LRRC4C: variants seen among roughly 807,000 people sequenced by gnomAD.
The protein encoded by LRRC4C is leucine rich repeat containing 4C.
Under a neutral mutation model 33.6 loss-of-function variants are expected in LRRC4C, and 5 were observed. That is an observed-to-expected ratio of 0.15 (90% confidence interval 0.08 to 0.31). LRRC4C has a LOEUF of 0.31. Among genes scored for constraint, LRRC4C ranks in the 10% least tolerant of loss-of-function variants. LRRC4C has a pLI of 1.00. For synonymous variants in LRRC4C, 329 were observed against 302.0 expected (o/e 1.09, Z -0.93); for missense variants, 560 against 796.7 (o/e 0.70, Z 3.58).
intron 1 of LRRC4C, among the ~76,000 whole-genome samples, chr11:41,267,077 T>C (rs1173799751): frequency 1.3e-5 from 2 of 152,288 alleles, no homozygotes; most frequent in Non-Finnish European, 2.9e-5. Context: ...TCATTCTGTA[T>C]TTCCTTCAGC....
chr11:40,330,780 A>T (rs978671695), intron 3 of LRRC4C, among the ~76,000 whole-genome samples: 8 of 152,188 alleles, frequency 5.3e-5, no homozygotes, highest in African/African-American at 1.9e-4. Context: ...CCCTCCCATG[A>T]CATGTGGGGA....
intron 4 of LRRC4C, among the ~76,000 whole-genome samples, chr11:40,289,867 C>T (rs912694506): frequency 7.3e-4 from 111 of 152,166 alleles, no homozygotes; most frequent in African/African-American, 2.5e-3. Flanking sequence ...ACATTTCAGA[C>T]CAAAATTTTA....
At chr11:41,135,136 T>C (rs975722947) in intron 1 of LRRC4C, among the ~76,000 whole-genome samples, 5 of 152,156 alleles carry the variant, frequency 3.3e-5, no homozygotes, top group Admixed American at 1.3e-4. Context: ...ATAAGGGTTG[T>C]GAGCATAAAT....
At chr11:41,133,003 A>G (rs1391875866) in intron 1 of LRRC4C, among the ~76,000 whole-genome samples, 1 of 152,184 alleles carries the variant, frequency 6.6e-6, no homozygotes, top group African/African-American at 2.4e-5. Flanking sequence ...ACAATTTTTA[A>G]TGTCCTACCT....
At chr11:40,723,339 T>A (rs1328864698) in intron 2 of LRRC4C, among the ~76,000 whole-genome samples, 2 of 150,320 alleles carry the variant, frequency 1.3e-5, no homozygotes, top group African/African-American at 2.5e-5. Flanking sequence ...AAAAAAAAAA[T>A]TCTAAAAGGC....
At chr11:40,948,504 C>G (rs1487142238) in intron 1 of LRRC4C, among the ~76,000 whole-genome samples, 2 of 139,936 alleles carry the variant, frequency 1.4e-5, no homozygotes, top group African/African-American at 5.3e-5. Context: ...TCTCCCAATG[C>G]TATCCCTCCC....
intron 2 of LRRC4C, among the ~76,000 whole-genome samples, chr11:40,786,102 T>C (rs1950402539): frequency 6.6e-6 from 1 of 152,222 alleles, no homozygotes; most frequent in Admixed American, 6.5e-5. Context: ...ACAAAGTTAA[T>C]TAGCTCTGGA....
chr11:40,978,137 A>G (rs565492908), intron 1 of LRRC4C, among the ~76,000 whole-genome samples: 38 of 152,198 alleles, frequency 2.5e-4, no homozygotes, highest in Non-Finnish European at 4.4e-4. Context: ...TCCATTTATT[A>G]TTGCATTAGG....
intron 1 of LRRC4C, among the ~76,000 whole-genome samples, chr11:41,190,435 A>G (rs999575273): frequency 1.3e-5 from 2 of 152,138 alleles, no homozygotes; most frequent in African/African-American, 2.4e-5. Context: ...TGGATAGAAA[A>G]CATCTCTCGG....
intron 1 of LRRC4C, among the ~76,000 whole-genome samples, chr11:41,205,346 C>T (rs553786845): frequency 2.2e-4 from 33 of 152,138 alleles, no homozygotes; most frequent in Non-Finnish European, 4.0e-4. Context: ...GGAGAATGTG[C>T]TGTTAAATGG....
chr11:40,469,232 G>A (rs1415365121), intron 3 of LRRC4C, among the ~76,000 whole-genome samples: 1 of 152,146 alleles, frequency 6.6e-6, no homozygotes, highest in East Asian at 1.9e-4. Context: ...CACGGAGGGC[G>A]AGCTGAAGCA....
At position 40,928,831 on chromosome 11, in the gene LRRC4C, A is replaced by C. The variant is rs141862645; in HGVS notation, c.-407+4804T>G. On this transcript the variant is annotated intron_variant, in intron 2 of 6. Transcript: ENST00000528697. ...AGTTAACTAAAATAATAATTGTTCTATGCTAGGCTTATACCATTTTTTCTT... is the reference window on the plus strand; with the variant it reads ...AGTTAACTAAAATAATAATTGTTCTCTGCTAGGCTTATACCATTTTTTCTT... Among the ~76,000 whole-genome samples the C allele has an allele frequency of 3.2e-3, 484 of 152,308 alleles. 3 individuals carry two copies. Among genetic ancestry groups the C allele is most frequent in the African/African-American group, 0.011 (470 of 41,584 alleles).
chr11:40,719,679 C>T (rs1291695435), intron 2 of LRRC4C, among the ~76,000 whole-genome samples: 1 of 152,110 alleles, frequency 6.6e-6, no homozygotes, highest in African/African-American at 2.4e-5. Flanking sequence ...TATTGCTCCC[C>T]ATCCTCTCAG....
chr11:40,548,370 C>T (rs149380168), intron 3 of LRRC4C, among the ~76,000 whole-genome samples: 26 of 152,050 alleles, frequency 1.7e-4, no homozygotes, highest in African/African-American at 6.0e-4. Flanking sequence ...TACAAAAAAG[C>T]AGAAATTAGA....
chr11:41,156,677 T>C (rs1425421355), intron 1 of LRRC4C, among the ~76,000 whole-genome samples: 1 of 151,826 alleles, frequency 6.6e-6, no homozygotes, highest in Non-Finnish European at 1.5e-5. Context: ...GTAAGAATCA[T>C]TAAAAAAAGA....
chr11:41,031,842 T>C (rs1184834080), intron 1 of LRRC4C, among the ~76,000 whole-genome samples: 2 of 151,964 alleles, frequency 1.3e-5, no homozygotes, highest in African/African-American at 4.8e-5. Context: ...TACAGAGGTA[T>C]GGAAACATGC....
intron 3 of LRRC4C, among the ~76,000 whole-genome samples, chr11:40,389,481 T>A (rs920064887): frequency 4.9e-5 from 6 of 122,012 alleles, no homozygotes; most frequent in Admixed American, 4.3e-4. Context: ...AAAAAAAAAA[T>A]AATCAAAAAA....
At chr11:41,239,285 G>A (rs1430910377) in intron 1 of LRRC4C, among the ~76,000 whole-genome samples, 18 of 115,376 alleles carry the variant, frequency 1.6e-4, no homozygotes, top group Admixed American at 2.7e-4. Flanking sequence ...TTGCACCACT[G>A]TACTCCAGCC....
Position 40,912,186 on chromosome 11 carries a change from AT to A in LRRC4C, c.-407+21448del, listed in dbSNP as rs1382941998. ...GCAGGCCAACGTTCAAATTCAGGAA[AT>A]ACAGAGAATGCCACAAAGATACTCC... On this transcript the variant is annotated intron_variant, in intron 2 of 6. Transcript: ENST00000528697. 2.6e-5 allele frequency among the ~76,000 whole-genome samples: 4 copies of A among 152,288 alleles called. No homozygotes were observed. In the East Asian group the frequency reaches 7.7e-4, roughly 30 times the overall value.
Sources: gnomAD v4.1 joint callset for allele counts (sites outside exome capture counted in the v4.1 genomes callset) on GRCh38, gnomAD v4.1.1 for gene constraint, MANE v1.5 for transcripts, NCBI Gene and HGNC (gene_info 2026-07-23, HGNC 2026-07-21) for gene names.